The following NAA60 variants were observed in gnomAD, a reference collection of about 807,000 sequenced individuals.
The protein encoded by NAA60 is N-alpha-acetyltransferase 60.
Under a neutral mutation model 26.1 loss-of-function variants are expected in NAA60, and 8 were observed. The ratio of observed to expected loss-of-function variants is 0.31; its 90% CI spans 0.18 to 0.55. The LOEUF (loss-of-function observed/expected upper bound fraction) is 0.55. Among genes scored for constraint, NAA60 ranks in the 20% least tolerant of loss-of-function variants. NAA60 has a pLI of 0.93. For missense variants in NAA60, 290 were observed against 311.3 expected (o/e 0.93, Z 0.51); for synonymous variants, 131 against 122.5 (o/e 1.07, Z -0.46).
chr16:3,464,527 C>T (rs1006693896), intron 2 of NAA60, among the ~76,000 whole-genome samples: 1 of 152,180 alleles, frequency 6.6e-6, no homozygotes, highest in Non-Finnish European at 1.5e-5. Flanking sequence ...GTGTCCATCT[C>T]GCCCGCTGCT....
In NAA60 at chr16:3,470,678, G is replaced by T. The variant is rs574113939; in HGVS notation, c.-6-5544G>T. Among the ~76,000 whole-genome samples the T allele has an allele frequency of 6.4e-3, 968 of 152,336 alleles. 8 individuals are homozygous for T. The highest frequency in any genetic ancestry group is 0.018 in the African/African-American group (757 of 41,576). ...GGCAGGGGCCAGTGGGGTTGGGGGG[G>T]GCCGCTGGCCCTGCCTTTGGATCAT... On this transcript the variant is annotated intron_variant, in intron 2 of 7. Transcript: ENST00000407558.
intron 3 of NAA60, among the ~76,000 whole-genome samples, chr16:3,479,054 G>A (rs2036663770): frequency 6.6e-6 from 1 of 152,016 alleles, no homozygotes; most frequent in South Asian, 2.1e-4. Context: ...TGACCAACAT[G>A]GAGAAACCCC....
At chr16:3,447,921 A>G (rs898713825) in intron 1 of NAA60, among the ~76,000 whole-genome samples, 2 of 152,190 alleles carry the variant, frequency 1.3e-5, no homozygotes, top group African/African-American at 4.8e-5. Flanking sequence ...TCTGTTACCA[A>G]AAACTGGCTT....
intron 2 of NAA60, among the ~76,000 whole-genome samples, chr16:3,474,716 C>T (rs11861503): frequency 0.017 from 2,625 of 152,298 alleles, 67 homozygotes; most frequent in African/African-American, 0.057. Flanking sequence ...CTTGCACCTG[C>T]CCCCAGCAGC....
chr16:3,449,198 C>T (rs999935510), intron 2 of NAA60, among the ~76,000 whole-genome samples: 1 of 152,030 alleles, frequency 6.6e-6, no homozygotes, highest in African/African-American at 2.4e-5. Context: ...CATGTTGAAA[C>T]CCCATCTCTA....
chr16:3,484,272 G>A lies in NAA60; in HGVS notation c.573-427G>A, dbSNP rs192788356. ...GGGGTGACCCCACACTCCACAGGCC[G>A]TCTAGCTTATGTGAAGACAGGCATC... On this transcript the variant is annotated intron_variant, in intron 6 of 7. Transcript: ENST00000407558. Among the ~76,000 whole-genome samples, 166 of 152,292 alleles carry A rather than the reference G, an allele frequency of 1.1e-3. 1 individual carries two copies. The highest frequency in any genetic ancestry group is 9.1e-3 in the South Asian group (44 of 4,828).
At chr16:3,456,009 AAAAG>A (rs1185839496) in intron 2 of NAA60, among the ~76,000 whole-genome samples, 1 of 151,950 alleles carries the variant, frequency 6.6e-6, no homozygotes, top group Non-Finnish European at 1.5e-5. Flanking sequence ...CCTGCCCAAA[AAAAG>A]AGTAAAGTTT....
Position 3,486,409 on chromosome 16 carries a change from G to A in NAA60, c.*1149G>A, listed in dbSNP as rs2037145390. ...CGCCACCCTGCCCCAGCCTGAGGAG[G>A]AGGGAGAGGGAGGAACAACCCTGGG... is the stretch of plus-strand genomic sequence containing the variant. On this transcript the variant is annotated 3_prime_UTR_variant, in exon 8 of 8. Transcript: ENST00000407558. The A allele has an allele frequency of 6.6e-6, 1 of 151,768 alleles. No individual in the cohort carries two copies. Among genetic ancestry groups the A allele is most frequent in the African/African-American group, 2.4e-5 (1 of 41,136 alleles). 9.4% of individuals were successfully genotyped at this position (151,768 alleles called of 1,614,324 possible).
At position 3,482,379 on chromosome 16, in the gene NAA60, C is replaced by G. The variant is rs900546020; in HGVS notation, c.241-123C>G. ...CTCTCCAGTACCTCTTGATTCTGCCCCTCCCAGTCGGTGTCCCTCTGGCTG... is the reference window on the plus strand; with the variant it reads ...CTCTCCAGTACCTCTTGATTCTGCCGCTCCCAGTCGGTGTCCCTCTGGCTG... On this transcript the variant is annotated intron_variant, in intron 4 of 7. Coordinates refer to ENST00000407558, the MANE Select transcript of NAA60 (RefSeq NM_001083601.3). 3.5e-5 allele frequency: 27 copies of G among 762,548 alleles called. No homozygotes were observed. The Admixed American group carries it at 4.6e-4, about 13-fold the overall frequency. The allele number at this position is 762,548 out of a possible 1,614,324, so 47.2% of individuals were successfully genotyped here. A position where few individuals can be genotyped will look rare whatever the true frequency, so the allele number is the denominator to read the frequency against.
intron 2 of NAA60, among the ~76,000 whole-genome samples, chr16:3,460,851 G>A (rs1403983014): frequency 2.6e-5 from 4 of 152,228 alleles, no homozygotes; most frequent in African/African-American, 9.6e-5. Context: ...ATTTGATTCA[G>A]CAAATAGTTG....
intron 3 of NAA60, among the ~76,000 whole-genome samples, chr16:3,478,656 C>T (rs2036632888): frequency 6.6e-6 from 1 of 152,164 alleles, no homozygotes; most frequent in Admixed American, 6.5e-5. Flanking sequence ...TGATGAGCAG[C>T]CGTTAGCAGC....
Position 3,476,236 on chromosome 16 carries a change from G to A in NAA60, c.9G>A (p.Glu3=). 6.2e-7 allele frequency: 1 copy of A among 1,611,318 alleles called. No homozygotes were observed. Among genetic ancestry groups the A allele is most frequent in the Non-Finnish European group, 8.5e-7 (1 of 1,178,114 alleles). MT[E]VVPSSALSEV... Reference sequence around the variant, plus strand: ...CTTCCCCACAGGTGTGAATGACAGAGGTGGTGCCATCCAGCGCGCTCAGCG... The same window carrying A: ...CTTCCCCACAGGTGTGAATGACAGAAGTGGTGCCATCCAGCGCGCTCAGCG... Residue 3 remains glutamate, a synonymous_variant, in exon 3 of 8, where the codon GAG becomes GAA. Transcript: ENST00000407558.
chr16:3,477,077 C>G (rs17136435), intron 3 of NAA60, among the ~76,000 whole-genome samples: 8,096 of 151,980 alleles, frequency 0.053, 700 homozygotes, highest in African/African-American at 0.18. Context: ...GGAAAAAAGT[C>G]AGTCTAGAAA....
chr16:3,480,386 C>T (rs1283233229), intron 4 of NAA60, among the ~76,000 whole-genome samples: 3 of 152,106 alleles, frequency 2.0e-5, no homozygotes, highest in Admixed American at 1.3e-4. Flanking sequence ...CATCTGAGGT[C>T]AGGAGTTCAA....
chr16:3,461,316 A>C (rs576161547), intron 2 of NAA60, among the ~76,000 whole-genome samples: 1 of 152,320 alleles, frequency 6.6e-6, no homozygotes, highest in South Asian at 2.1e-4. Context: ...GTCCTTGTCA[A>C]CAGTGAATGC....
intron 2 of NAA60, chr16:3,458,154 C>T (rs1049620481): frequency 1.0e-3 from 1,009 of 985,112 alleles, no homozygotes; most frequent in Non-Finnish European, 1.2e-3. Flanking sequence ...CCTACAACAC[C>T]CCCAGCGGCC....
chr16:3,458,309 G>A, intron 2 of NAA60: 5 of 566,582 alleles, frequency 8.8e-6, no homozygotes, highest in Non-Finnish European at 6.7e-6. Context: ...CGCTGGTGAG[G>A]CAGGCCCGGC....
chr16:3,465,855 C>A (rs1207931099), intron 2 of NAA60, among the ~76,000 whole-genome samples: 1 of 152,132 alleles, frequency 6.6e-6, no homozygotes, highest in Non-Finnish European at 1.5e-5. Context: ...CTGCTGAGAC[C>A]CCGATACCCA....
At chr16:3,478,620 G>T (rs1045519799) in intron 3 of NAA60, among the ~76,000 whole-genome samples, 6 of 152,258 alleles carry the variant, frequency 3.9e-5, no homozygotes, top group African/African-American at 1.4e-4. Flanking sequence ...TGCCTGCTCC[G>T]CTCAGAGGGG....
Sources: allele counts gnomAD v4.1 joint callset (sites outside exome capture counted in the v4.1 genomes callset), GRCh38; gene constraint gnomAD v4.1.1; transcripts MANE v1.5; gene names NCBI Gene and HGNC (gene_info 2026-07-23, HGNC 2026-07-21).